SOX6: variants seen among roughly 807,000 people sequenced by gnomAD.
SOX6 encodes the protein SRY-box transcription factor 6.
A neutral mutation model predicts 97.8 loss-of-function variants in SOX6; 11 were observed. The observed-to-expected ratio is 0.11, with a 90% CI of 0.07 to 0.19. The LOEUF (loss-of-function observed/expected upper bound fraction) is 0.19, where lower values mean the gene tolerates loss of function less well. Ranked by LOEUF, SOX6 falls within the 10% of genes least tolerant of loss-of-function variation. SOX6 has a pLI of 1.00. For synonymous variants in SOX6, 360 were observed against 371.4 expected, an observed-to-expected ratio of 0.97 and a Z score of 0.35; for missense variants, 810 against 1,039.5, an observed-to-expected ratio of 0.78 and a Z score of 3.04.
chr11:16,611,213 G>C (rs1258199656), intron 4 of SOX6, among the ~76,000 whole-genome samples: 4 of 152,210 alleles, frequency 2.6e-5, no homozygotes, highest in Non-Finnish European at 5.9e-5. Flanking sequence ...ACTTGGGAAG[G>C]ACAAGGCAAT....
chr11:16,183,404 T>C (rs1851392917), intron 6 of SOX6, among the ~76,000 whole-genome samples: 1 of 152,002 alleles, frequency 6.6e-6, no homozygotes, highest in Non-Finnish European at 1.5e-5. Context: ...ATCTCTCTAT[T>C]CCCTTTAGCA....
intron 15 of SOX6, among the ~76,000 whole-genome samples, chr11:15,975,133 T>C (rs1853436890): frequency 6.6e-6 from 1 of 152,236 alleles, no homozygotes. Flanking sequence ...ATGATTCTCA[T>C]GGTGAGTTTT....
chr11:16,372,251 C>T (rs1432786039), intron 1 of SOX6, among the ~76,000 whole-genome samples: 3 of 151,850 alleles, frequency 2.0e-5, no homozygotes, highest in African/African-American at 7.3e-5. Flanking sequence ...AAAACAGGAC[C>T]TAAGAAAAGC....
At chr11:16,050,066 G>A (rs754051566) in intron 10 of SOX6, 128 bp from the exon 11 acceptor site, 15 of 945,420 alleles carry the variant, frequency 1.6e-5, no homozygotes, top group Non-Finnish European at 2.4e-5. Context: ...AACAAAAGAA[G>A]CTAATTATCT....
chr11:16,192,629 T>C (rs1422841996), intron 4 of SOX6, among the ~76,000 whole-genome samples: 1 of 152,002 alleles, frequency 6.6e-6, no homozygotes, highest in African/African-American at 2.4e-5. Context: ...TTTTTAACTT[T>C]ACAAACTATT....
At chr11:16,321,875 T>C (rs931813831) in intron 2 of SOX6, among the ~76,000 whole-genome samples, 1 of 152,162 alleles carries the variant, frequency 6.6e-6, no homozygotes, top group Non-Finnish European at 1.5e-5. Flanking sequence ...CCATCACTTT[T>C]TAACTTTCTA....
chr11:16,357,167 AC>A (rs1442081118), upstream of SOX6, among the ~76,000 whole-genome samples: 3 of 152,064 alleles, frequency 2.0e-5, no homozygotes, highest in Non-Finnish European at 4.4e-5. Flanking sequence ...AGGCTCAAAA[AC>A]TTGGGCTTGG....
chr11:16,400,313 A>G (rs1261667331), intron 1 of SOX6, among the ~76,000 whole-genome samples: 3 of 151,544 alleles, frequency 2.0e-5, no homozygotes, highest in Non-Finnish European at 4.4e-5. Context: ...AATTTTAAAT[A>G]GGATGTTCAA....
Position 16,605,356 on chromosome 11 carries a change from GC to G in SOX6, n.609+6724del, listed in dbSNP as rs1231785896. ...CGCTCCCGCCAGGTCAGGCACCACTGCCCTCGCGGCCAGGGTAAAGAGGACC... is the reference window on the plus strand; with the variant it reads ...CGCTCCCGCCAGGTCAGGCACCACTGCCTCGCGGCCAGGGTAAAGAGGACC... On this transcript the variant is annotated intron_variant and non_coding_transcript_variant, in intron 4 of 5. Coordinates refer to the SOX6 transcript ENST00000524520. This position sits in a 1 kb window ranked among gnomAD's most constrained non-coding sequence, Gnocchi z 5.3. 2.6e-5 allele frequency among the ~76,000 whole-genome samples: 4 copies of G among 152,316 alleles called. No individual in the cohort carries two copies. The East Asian group carries it at 7.8e-4, about 30-fold the overall frequency.
chr11:16,259,916 C>T (rs1469907536), intron 3 of SOX6, among the ~76,000 whole-genome samples: 2 of 150,966 alleles, frequency 1.3e-5, no homozygotes, highest in Non-Finnish European at 2.9e-5. Context: ...TATTTTACCA[C>T]ACGCATGTTA....
chr11:15,986,491 T>C lies in SOX6; in HGVS notation c.1967-71A>G, dbSNP rs904330239. 22 of 1,426,108 alleles carry C rather than the reference T, an allele frequency of 1.5e-5. 1 individual carries two copies. The highest frequency in any genetic ancestry group is 8.6e-5 in the Admixed American group (5 of 58,460). 88.3% of individuals were successfully genotyped at this position (1,426,108 alleles called of 1,614,324 possible). On this transcript the variant is annotated intron_variant, in intron 14 of 15. Transcript: ENST00000683767. ...TATTCTAGGCAAACACAACTAGATATACCTTCCCATCACTTCACTCATCTG... is the reference window on the plus strand; with the variant it reads ...TATTCTAGGCAAACACAACTAGATACACCTTCCCATCACTTCACTCATCTG...
chr11:16,162,329 A>G (rs1271560999), intron 6 of SOX6, among the ~76,000 whole-genome samples: 1 of 152,244 alleles, frequency 6.6e-6, no homozygotes, highest in African/African-American at 2.4e-5. Flanking sequence ...TTTTCAGGAC[A>G]TAACATGTGA....
intron 4 of SOX6, among the ~76,000 whole-genome samples, chr11:16,193,666 C>A (rs1407971860): frequency 6.6e-6 from 1 of 152,082 alleles, no homozygotes; most frequent in Admixed American, 6.6e-5. Context: ...CACATAAATC[C>A]TAGAAAGATT....
chr11:16,402,694 G>A (rs1254929532), intron 1 of SOX6: 1 of 1,610,718 alleles, frequency 6.2e-7, no homozygotes, highest in African/African-American at 1.3e-5. Flanking sequence ...ACCCACTCCT[G>A]TTTCACCTGA....
intron 1 of SOX6, among the ~76,000 whole-genome samples, chr11:16,377,281 A>G (rs1275871716): frequency 6.6e-6 from 1 of 152,124 alleles, no homozygotes; most frequent in Non-Finnish European, 1.5e-5. Flanking sequence ...TTCTTACTGT[A>G]CAACTACTCA....
intron 11 of SOX6, among the ~76,000 whole-genome samples, chr11:16,048,170 A>G (rs1307721149): frequency 6.6e-6 from 1 of 152,164 alleles, no homozygotes; most frequent in Non-Finnish European, 1.5e-5. Context: ...GGTCAACTCT[A>G]TAATTTATCT....
At chr11:16,591,324 T>C (rs1300772823) in intron 4 of SOX6, among the ~76,000 whole-genome samples, 2 of 73,346 alleles carry the variant, frequency 2.7e-5, no homozygotes, top group Admixed American at 2.8e-4. Flanking sequence ...GATACATAGA[T>C]AGATAGATAG....
Position 16,605,147 on chromosome 11 carries a change from C to T in SOX6, n.609+6934G>A, listed in dbSNP as rs1848319582. On this transcript the variant is annotated intron_variant and non_coding_transcript_variant, in intron 4 of 5. Coordinates refer to the SOX6 transcript ENST00000524520. This position sits in a 1 kb window ranked among gnomAD's most constrained non-coding sequence, Gnocchi z 5.3. ...CTGGGCCGAGCCCGGGAGCAGCGGA[C>T]CGCGGCCCCGGCTGCAGAGGAACGG... is the stretch of plus-strand genomic sequence containing the variant. 6.6e-6 allele frequency among the ~76,000 whole-genome samples: 1 copy of T among 151,926 alleles called. No individual in the cohort carries two copies. The highest frequency in any genetic ancestry group is 1.5e-5 in the Non-Finnish European group (1 of 67,968).
chr11:16,688,904 A>C (rs999113732), intron 3 of SOX6, among the ~76,000 whole-genome samples: 3 of 152,198 alleles, frequency 2.0e-5, no homozygotes, highest in Non-Finnish European at 4.4e-5. Flanking sequence ...AAGTTACTTG[A>C]AAACAGTTTG....
Sources: gnomAD v4.1 joint callset for allele counts (sites outside exome capture counted in the v4.1 genomes callset) on GRCh38, gnomAD v4.1.1 for gene constraint, Gnocchi (gnomAD v3.1) non-coding constraint, MANE v1.5 for transcripts, NCBI Gene and HGNC (gene_info 2026-07-23, HGNC 2026-07-21) for gene names.